Variants in IL1RAPL1 observed in about 807,000 individuals in gnomAD.
The protein encoded by IL1RAPL1 is interleukin-1 receptor accessory protein-like 1.
Under a neutral mutation model 48.4 loss-of-function variants are expected in IL1RAPL1, and 3 were observed. The ratio of observed to expected loss-of-function variants is 0.06; its 90% CI spans 0.03 to 0.16. The LOEUF (loss-of-function observed/expected upper bound fraction) is 0.16, where lower values mean the gene tolerates loss of function less well. IL1RAPL1 is among the 10% of genes least tolerant of loss of function. The probability of loss-of-function intolerance (pLI) is 1.00; values close to 1 mark genes in which losing one functional copy is unlikely to be tolerated. For missense variants in IL1RAPL1, 349 were observed against 530.6 expected, an observed-to-expected ratio of 0.66 and a Z score of 3.36; for synonymous variants, 185 against 187.7, an observed-to-expected ratio of 0.99 and a Z score of 0.12.
chrX:28,876,427 A>G (rs184775353), intron 2 of IL1RAPL1, among the ~76,000 whole-genome samples: 1 of 111,996 alleles, frequency 8.9e-6, no homozygotes, highest in East Asian at 2.8e-4. Context: ...GCTGGGAGGG[A>G]AAAAAGAACC....
intron 5 of IL1RAPL1, among the ~76,000 whole-genome samples, chrX:29,483,045 C>T (rs1484008847): frequency 1.8e-5 from 2 of 111,869 alleles, no homozygotes; most frequent in African/African-American, 3.2e-5. Context: ...CAGTGAACAT[C>T]CTTCATTATA....
chrX:29,866,835 A>T (rs994458675), intron 6 of IL1RAPL1, among the ~76,000 whole-genome samples: 1 of 109,657 alleles, frequency 9.1e-6, no homozygotes, highest in Non-Finnish European at 1.9e-5. Flanking sequence ...TCATTGCAAT[A>T]GTTTGTGCTC....
intron 2 of IL1RAPL1, among the ~76,000 whole-genome samples, chrX:28,932,843 TATG>T (rs1385248741): frequency 4.5e-5 from 5 of 111,027 alleles, no homozygotes; most frequent in Non-Finnish European, 7.5e-5. Context: ...ATTATTTCCT[TATG>T]ATATTTTAAG....
intron 2 of IL1RAPL1, among the ~76,000 whole-genome samples, chrX:28,818,438 G>T (rs1340101732): frequency 9.0e-6 from 1 of 110,576 alleles, no homozygotes; most frequent in Admixed American, 9.7e-5. Flanking sequence ...TTGTAAAACT[G>T]GCAGTAAAGA....
intron 6 of IL1RAPL1, among the ~76,000 whole-genome samples, chrX:29,681,213 A>G (rs1049867805): frequency 8.9e-6 from 1 of 112,457 alleles, no homozygotes; most frequent in Non-Finnish European, 1.9e-5. Context: ...CTTGATTGGT[A>G]AATCGAGAGT....
chrX:29,743,189 A>G (rs1928250754), intron 6 of IL1RAPL1, among the ~76,000 whole-genome samples: 1 of 108,114 alleles, frequency 9.2e-6, no homozygotes, highest in Non-Finnish European at 1.9e-5. Context: ...AAATACATGT[A>G]TATTAGTTTA....
In IL1RAPL1 at chrX:29,912,072, A is replaced by AT. The variant is rs930999202; in HGVS notation, c.779-5384dup. Among the ~76,000 whole-genome samples the AT allele has an allele frequency of 7.2e-5, 8 of 111,654 alleles. No homozygotes were observed. The South Asian group carries it at 1.1e-3, about 15-fold the overall frequency. ...TGAGTATCTATTATTTTTGTTTTTAATTTTTTTTGTATTTCTATAATTTAA... is the reference window on the plus strand; with the variant it reads ...TGAGTATCTATTATTTTTGTTTTTAATTTTTTTTTGTATTTCTATAATTTAA... On this transcript the variant is annotated intron_variant, in intron 6 of 10. Coordinates refer to ENST00000378993, the MANE Select transcript of IL1RAPL1 (RefSeq NM_014271.4).
intron 2 of IL1RAPL1, among the ~76,000 whole-genome samples, chrX:28,990,640 C>G (rs1232451853): frequency 9.0e-6 from 1 of 111,393 alleles, no homozygotes; most frequent in African/African-American, 3.3e-5. Context: ...GTTCTGGGGC[C>G]AGCCACTCTG....
At chrX:28,742,670 G>T (rs1015067763) in intron 1 of IL1RAPL1, among the ~76,000 whole-genome samples, 7 of 111,540 alleles carry the variant, frequency 6.3e-5, no homozygotes, top group Non-Finnish European at 1.3e-4. Context: ...GGCTGTTATT[G>T]CAAGAAAGAG....
chrX:28,625,491 G>A (rs1934330283), intron 1 of IL1RAPL1, among the ~76,000 whole-genome samples: 1 of 111,649 alleles, frequency 9.0e-6, no homozygotes, highest in Non-Finnish European at 1.9e-5. Context: ...TTTGTATTTA[G>A]CAAACACATG....
chrX:29,006,295 C>T (rs1569217811), intron 2 of IL1RAPL1, among the ~76,000 whole-genome samples: 1 of 110,480 alleles, frequency 9.1e-6, no homozygotes, highest in Admixed American at 9.7e-5. Flanking sequence ...CGGGCGATCA[C>T]CTGAGGTCAG....
intron 6 of IL1RAPL1, among the ~76,000 whole-genome samples, chrX:29,841,423 A>T (rs773759986): frequency 2.7e-5 from 3 of 111,454 alleles, no homozygotes; most frequent in Non-Finnish European, 5.6e-5. Context: ...TAAAAATATT[A>T]TCTTCATTTT....
At chrX:29,480,733 A>ATTATCTCCTT (rs1403376684) in intron 5 of IL1RAPL1, among the ~76,000 whole-genome samples, 1 of 111,009 alleles carries the variant, frequency 9.0e-6, no homozygotes, top group Non-Finnish European at 1.9e-5. Flanking sequence ...TTTGATGTTT[A>ATTATCTCCTT]TTATCTCCTT....
chrX:29,226,061 G>C (rs1044969062), intron 2 of IL1RAPL1, among the ~76,000 whole-genome samples: 2 of 111,651 alleles, frequency 1.8e-5, no homozygotes, highest in Non-Finnish European at 3.8e-5. Context: ...GGTCTGCACT[G>C]TTACACTGAT....
At chrX:29,341,966 G>A (rs1019728282) in intron 3 of IL1RAPL1, among the ~76,000 whole-genome samples, 17 of 109,797 alleles carry the variant, frequency 1.5e-4, no homozygotes, top group African/African-American at 5.0e-4. Flanking sequence ...CTGCTACCAC[G>A]TACGGCTAAT....
At chrX:29,241,124 T>G (rs1931414902) in intron 2 of IL1RAPL1, among the ~76,000 whole-genome samples, 1 of 112,076 alleles carries the variant, frequency 8.9e-6, no homozygotes, top group South Asian at 3.7e-4. Context: ...GGTTAAGAGT[T>G]GCAATAGTTT....
chrX:29,339,118 A>G (rs1051861152), intron 3 of IL1RAPL1, among the ~76,000 whole-genome samples: 5 of 110,110 alleles, frequency 4.5e-5, no homozygotes, highest in Non-Finnish European at 9.5e-5. Flanking sequence ...ACACACGCAC[A>G]CACTCAAATA....
chrX:29,394,808 A>C, intron 3 of IL1RAPL1, among the ~76,000 whole-genome samples: 1 of 111,958 alleles, frequency 8.9e-6, no homozygotes. Context: ...CCTATTAAGT[A>C]TCTTTCATCT....
intron 1 of IL1RAPL1, among the ~76,000 whole-genome samples, chrX:28,688,990 A>G (rs994422544): frequency 9.0e-5 from 10 of 111,368 alleles, no homozygotes; most frequent in Admixed American, 4.8e-4. Flanking sequence ...GCCATGATTC[A>G]TTTTTAAATT....
Sources: allele counts gnomAD v4.1 joint callset (sites outside exome capture counted in the v4.1 genomes callset), GRCh38; gene constraint gnomAD v4.1.1; transcripts MANE v1.5; gene names NCBI Gene and HGNC (gene_info 2026-07-23, HGNC 2026-07-21).